Variants in SVOP observed in about 807,000 individuals in gnomAD.
SVOP encodes SV2 related protein, also known as synaptic vesicle 2-related protein.
SVOP carries 17 observed loss-of-function variants against 69.1 expected under a neutral mutation model. The observed-to-expected ratio is 0.25, with a 90% CI of 0.17 to 0.37. The LOEUF is 0.37. Ranked by LOEUF, SVOP falls within the 10% of genes least tolerant of loss-of-function variation. The pLI, the probability that SVOP is intolerant of heterozygous loss-of-function variation, is 1.00. For missense variants in SVOP, 435 were observed against 597.5 expected, an observed-to-expected ratio of 0.73 and a Z score of 2.84; for synonymous variants, 238 against 238.6, an observed-to-expected ratio of 1.00 and a Z score of 0.02.
chr12:108,983,350 TGTC>T (rs2040152353), intron 2 of SVOP, among the ~76,000 whole-genome samples: 1 of 152,062 alleles, frequency 6.6e-6, no homozygotes, highest in Non-Finnish European at 1.5e-5. Flanking sequence ...TCATCATCTT[TGTC>T]ACCATTATCA....
intron 1 of SVOP, among the ~76,000 whole-genome samples, chr12:108,996,400 A>G (rs564756229): frequency 6.6e-6 from 1 of 152,232 alleles, no homozygotes; most frequent in East Asian, 1.9e-4. Context: ...TTTACTAAAA[A>G]TACAAAAATT....
At chr12:108,982,930 T>G (rs2040148350) in intron 2 of SVOP, among the ~76,000 whole-genome samples, 1 of 147,680 alleles carries the variant, frequency 6.8e-6, no homozygotes, top group Non-Finnish European at 1.5e-5. Context: ...ATCACTAGCA[T>G]CATCATCACC....
Position 109,007,949 on chromosome 12 carries a change from G to A in SVOP, c.35+12885C>T, listed in dbSNP as rs536734551. 7.2e-5 allele frequency among the ~76,000 whole-genome samples: 11 copies of A among 152,094 alleles called. 1 individual carries two copies. The South Asian group carries it at 1.9e-3, about 26-fold the overall frequency. On this transcript the variant is annotated intron_variant, in intron 1 of 15. Transcript: ENST00000610966. ...GCTACTGGGGAGGATGAGATGGAAG[G>A]ATCATTTGAACCCAAGAGGTGAAGA...
rs1322140499 is a variant in SVOP, at chr12:109,021,029, C to G, written c.-161G>C. 9.1e-6 allele frequency: 5 copies of G among 551,168 alleles called. No homozygotes were observed. Among genetic ancestry groups the G allele is most frequent in the Non-Finnish European group, 1.6e-5 (5 of 308,034 alleles). The allele number at this position is 551,168 out of a possible 1,614,324, so 34.1% of individuals were successfully genotyped here. A position where few individuals can be genotyped will look rare whatever the true frequency, so the allele number is the denominator to read the frequency against. ...GAGGGAGCCGCTGGGGACCAGCCCA[C>G]GAGACAAAGCCTCCGCCGCCAGGAG... On this transcript the variant is annotated 5_prime_UTR_variant, in exon 1 of 16. Coordinates refer to ENST00000610966, the MANE Select transcript of SVOP (RefSeq NM_018711.5).
intron 10 of SVOP, 122 bp from the exon 11 acceptor site, chr12:108,934,393 A>T (rs2039843662): frequency 2.7e-6 from 2 of 750,746 alleles, no homozygotes; most frequent in East Asian, 5.6e-5. Context: ...CTTCACTGGG[A>T]TTTTGGGGGC....
chr12:108,990,690 CAGA>C (rs2040194907), intron 1 of SVOP, among the ~76,000 whole-genome samples: 1 of 141,630 alleles, frequency 7.1e-6, no homozygotes, highest in Admixed American at 7.1e-5. Context: ...TAAAACAAAA[CAGA>C]AAAATAAATA....
intron 15 of SVOP, among the ~76,000 whole-genome samples, chr12:108,913,951 C>A (rs2039700003): frequency 6.6e-6 from 1 of 152,214 alleles, no homozygotes; most frequent in African/African-American, 2.4e-5. Context: ...ATGCCCAGCC[C>A]ATTTCTTCAT....
intron 9 of SVOP, among the ~76,000 whole-genome samples, chr12:108,938,341 G>A (rs2039868294): frequency 6.6e-6 from 1 of 152,162 alleles, no homozygotes; most frequent in South Asian, 2.1e-4. Flanking sequence ...TGCTCATTAA[G>A]TTTCACCGTG....
In SVOP at chr12:108,938,864, G is replaced by C. The variant is rs374889554; in HGVS notation, c.860C>G (p.Ala287Gly). The change falls in exon 9 of 16, where the codon GCT (alanine) becomes GGT (glycine). Residue 287 changes from alanine to glycine, a missense_variant. Transcript: ENST00000610966. ...GATGAGTTTCCCCAGCGGCATGGGA[G>C]CTCCGTTTTCAGTTGCTATCCTCTT... ...TLKRIATENG[A>G]PMPLGKLIIS... The C allele has an allele frequency of 2.9e-5, 46 of 1,614,022 alleles. No individual in the cohort carries two copies. The highest frequency in any genetic ancestry group is 3.5e-5 in the Non-Finnish European group (41 of 1,179,890).
chr12:108,916,104 C>G (rs1341379175), intron 14 of SVOP, among the ~76,000 whole-genome samples: 1 of 152,252 alleles, frequency 6.6e-6, no homozygotes, highest in African/African-American at 2.4e-5. Context: ...AAGGGGTCCA[C>G]TCTGTCCTGG....
intron 7 of SVOP, among the ~76,000 whole-genome samples, chr12:108,942,691 C>A (rs561291677): frequency 6.6e-6 from 1 of 152,390 alleles, no homozygotes; most frequent in East Asian, 1.9e-4. Flanking sequence ...ATTAATCCCT[C>A]TCTTTGCCCC....
intron 4 of SVOP, among the ~76,000 whole-genome samples, chr12:108,976,294 A>C (rs2040105983): frequency 1.3e-5 from 2 of 152,086 alleles, no homozygotes; most frequent in African/African-American, 4.8e-5. Flanking sequence ...GCTGTGTGGA[A>C]GGCACTCAGG....
At chr12:108,990,876 CAGA>C (rs1183182557) in intron 1 of SVOP, among the ~76,000 whole-genome samples, 1 of 152,154 alleles carries the variant, frequency 6.6e-6, no homozygotes, top group African/African-American at 2.4e-5. Context: ...AGGCCTGATT[CAGA>C]AGGTCTGACC....
intron 11 of SVOP, among the ~76,000 whole-genome samples, chr12:108,931,526 G>A (rs1336869853): frequency 6.6e-6 from 1 of 152,096 alleles, no homozygotes; most frequent in African/African-American, 2.4e-5. Flanking sequence ...GATTAAATGG[G>A]TCTGGGCACT....
At chr12:108,915,690 G>T in intron 15 of SVOP, 93 bp downstream of exon 15, 1 of 1,324,836 alleles carries the variant, frequency 7.5e-7, no homozygotes, top group South Asian at 1.4e-5. Flanking sequence ...AATGCAACCC[G>T]AGGGCTCTGG....
At chr12:108,977,727 T>G (rs2040114796) in intron 3 of SVOP, among the ~76,000 whole-genome samples, 3 of 152,226 alleles carry the variant, frequency 2.0e-5, no homozygotes, top group Admixed American at 2.0e-4. Flanking sequence ...GTGGTTTTTT[T>G]GTGTGTGTTT....
At chr12:108,923,120 G>C (rs2039760128) in intron 11 of SVOP, among the ~76,000 whole-genome samples, 1 of 152,204 alleles carries the variant, frequency 6.6e-6, no homozygotes, top group African/African-American at 2.4e-5. Flanking sequence ...ACAGACTCTA[G>C]GGTGGCCCCC....
intron 10 of SVOP, among the ~76,000 whole-genome samples, chr12:108,934,930 T>G (rs2039847388): frequency 6.6e-6 from 1 of 152,254 alleles, no homozygotes; most frequent in Non-Finnish European, 1.5e-5. Flanking sequence ...CATTCTTTTA[T>G]TCCTTTACTT....
At chr12:108,929,779 G>T (rs1452918223) in intron 11 of SVOP, among the ~76,000 whole-genome samples, 1 of 152,082 alleles carries the variant, frequency 6.6e-6, no homozygotes. Flanking sequence ...TCCTCCTATT[G>T]CAATTGTTAC....
Sources: gnomAD v4.1 joint callset for allele counts (sites outside exome capture counted in the v4.1 genomes callset) on GRCh38, gnomAD v4.1.1 for gene constraint, MANE v1.5 for transcripts, NCBI Gene and HGNC (gene_info 2026-07-23, HGNC 2026-07-21) for gene names.